The following ORC4 variants were observed in gnomAD, a reference collection of about 807,000 sequenced individuals.
ORC4 encodes the protein origin recognition complex, subunit 4 homolog.
In ORC4, 55 loss-of-function variants were observed where a neutral mutation model predicts 63.9. That is an observed-to-expected ratio of 0.86 (90% confidence interval 0.69 to 1.08). The LOEUF is 1.08. Ranked by LOEUF, ORC4 falls within the 50% of genes least tolerant of loss-of-function variation. The pLI is 0.00. For missense variants in ORC4, 511 were observed against 504.4 expected (o/e 1.01, Z -0.13); for synonymous variants, 150 against 168.5 (o/e 0.89, Z 0.85).
At chr2:147,968,536 G>A (rs2105338921) in intron 4 of ORC4, among the ~76,000 whole-genome samples, 1 of 152,108 alleles carries the variant, frequency 6.6e-6, no homozygotes, top group East Asian at 1.9e-4. Flanking sequence ...ATGAAGAAAT[G>A]CTTAACATCA....
At chr2:147,947,363 T>C (rs1030317) in intron 9 of ORC4, among the ~76,000 whole-genome samples, 49,983 of 151,676 alleles carry the variant, frequency 0.33, 8,490 homozygotes, top group East Asian at 0.52. Context: ...TACACACACA[T>C]ATGCATACTT....
At chr2:147,938,680 A>G (rs1688196391) in intron 11 of ORC4, 6 of 382,256 alleles carry the variant, frequency 1.6e-5, no homozygotes, top group Non-Finnish European at 2.9e-5. Context: ...GCCCACAGTA[A>G]ACAAAATAAA....
intron 8 of ORC4, among the ~76,000 whole-genome samples, chr2:147,949,045 CTA>C (rs1344549094): frequency 7.8e-6 from 1 of 127,492 alleles, no homozygotes; most frequent in South Asian, 2.4e-4. Context: ...ATATATACAT[CTA>C]TATATATACA....
chr2:147,999,217 T>C (rs957323503), intron 1 of ORC4, among the ~76,000 whole-genome samples: 20 of 152,180 alleles, frequency 1.3e-4, no homozygotes, highest in Non-Finnish European at 2.9e-5. Flanking sequence ...TCAGAGGCCA[T>C]GAGGCTTATT....
chr2:147,994,396 T>A (rs911481854), intron 1 of ORC4, among the ~76,000 whole-genome samples: 1 of 152,174 alleles, frequency 6.6e-6, no homozygotes, highest in Non-Finnish European at 1.5e-5. Context: ...ACCAACACGA[T>A]ACCGAAGGAG....
At chr2:148,016,776 G>A (rs185517637) in intron 1 of ORC4, among the ~76,000 whole-genome samples, 2 of 152,292 alleles carry the variant, frequency 1.3e-5, no homozygotes, top group Admixed American at 1.3e-4. Flanking sequence ...AGATATGTTA[G>A]AGCCTCGTTA....
At chr2:147,988,778 T>TA (rs1691383659) in intron 1 of ORC4, among the ~76,000 whole-genome samples, 2 of 101,930 alleles carry the variant, frequency 2.0e-5, no homozygotes, top group African/African-American at 7.2e-5. Context: ...GCTTAGTAAA[T>TA]AAAAAACAAA....
chr2:148,020,917 T>G (rs1002661633), upstream of ORC4: 1 of 152,272 alleles, frequency 6.6e-6, no homozygotes, highest in Non-Finnish European at 1.5e-5. Context: ...CCCCCGCTCC[T>G]GTACCTCCCG....
chr2:147,983,135 C>T (rs1690987972), intron 1 of ORC4, among the ~76,000 whole-genome samples: 1 of 152,160 alleles, frequency 6.6e-6, no homozygotes, highest in African/African-American at 2.4e-5. Flanking sequence ...AATGGCATGG[C>T]TACTCTGAAA....
intron 1 of ORC4, among the ~76,000 whole-genome samples, chr2:148,001,720 G>A (rs1039442584): frequency 1.3e-5 from 2 of 152,116 alleles, no homozygotes; most frequent in African/African-American, 4.8e-5. Context: ...AAAATAACCA[G>A]CTAGCATCAT....
chr2:147,963,653 T>C (rs944647259), intron 4 of ORC4, among the ~76,000 whole-genome samples: 1 of 152,104 alleles, frequency 6.6e-6, no homozygotes, highest in Non-Finnish European at 1.5e-5. Flanking sequence ...AGCAACCACA[T>C]GACTATGCTC....
intron 1 of ORC4, among the ~76,000 whole-genome samples, chr2:148,020,048 T>TC (rs1693600534): frequency 6.6e-6 from 1 of 152,004 alleles, no homozygotes; most frequent in African/African-American, 2.4e-5. Context: ...GACTACACAA[T>TC]CCCACATCCC....
rs1220764057 is a variant in ORC4 at position 148,000,614 on chromosome 2, GAAC to G, written c.-18+20016_-18+20018del. On this transcript the variant is annotated intron_variant, in intron 1 of 13. Coordinates refer to ENST00000392857, the MANE Select transcript of ORC4 (RefSeq NM_181741.4). ...ATTACATAGGATATAGGAAACAGAG[GAAC>G]TAGCATAGGATAGAGACTGCACCAG... Among the ~76,000 whole-genome samples, 3 of 152,046 alleles carry G rather than the reference GAAC, an allele frequency of 2.0e-5. No individual in the cohort carries two copies. The East Asian group carries it at 5.8e-4, about 29-fold the overall frequency.
intron 1 of ORC4, among the ~76,000 whole-genome samples, chr2:148,006,185 AGT>A (rs1484045616): frequency 6.6e-6 from 1 of 152,186 alleles, no homozygotes; most frequent in Non-Finnish European, 1.5e-5. Context: ...AGAGAGCGAA[AGT>A]AAGTATGGGA....
intron 4 of ORC4, among the ~76,000 whole-genome samples, chr2:147,966,410 G>C (rs1689895402): frequency 1.3e-5 from 2 of 151,490 alleles, no homozygotes; most frequent in Non-Finnish European, 1.5e-5. Flanking sequence ...TATCAGAGAA[G>C]GAATAAACAA....
chr2:148,003,884 T>C (rs1223801266), intron 1 of ORC4, among the ~76,000 whole-genome samples: 2 of 152,222 alleles, frequency 1.3e-5, no homozygotes, highest in African/African-American at 4.8e-5. Flanking sequence ...CAAAATCTCC[T>C]TGAGCTGATA....
At chr2:148,004,437 A>G (rs1692500515) in intron 1 of ORC4, among the ~76,000 whole-genome samples, 1 of 152,174 alleles carries the variant, frequency 6.6e-6, no homozygotes, top group Non-Finnish European at 1.5e-5. Flanking sequence ...GGAACAGAAC[A>G]GAGTCCTCAG....
chr2:147,985,683 C>T (rs1394616893), intron 1 of ORC4, among the ~76,000 whole-genome samples: 1 of 152,172 alleles, frequency 6.6e-6, no homozygotes, highest in Non-Finnish European at 1.5e-5. Context: ...GTTCTAATCA[C>T]TGTTTTTTAG....
Position 147,955,440 on chromosome 2 carries a change from A to G in ORC4, c.388-45T>C, listed in dbSNP as rs528568863. On this transcript the variant is annotated intron_variant, in intron 6 of 13. Transcript: ENST00000392857. ...AAAATGATTAAAAGTTTAGTGAAAT[A>G]AAGAACAAAAGATGGCTGTCTGATT... 9.7e-6 allele frequency: 13 copies of G among 1,344,110 alleles called. No individual in the cohort carries two copies. In the South Asian group the frequency reaches 1.3e-4, roughly 14 times the overall value. 83.3% of individuals were successfully genotyped at this position (1,344,110 alleles called of 1,614,324 possible).
Sources: gnomAD v4.1 joint callset for allele counts (sites outside exome capture counted in the v4.1 genomes callset) on GRCh38, gnomAD v4.1.1 for gene constraint, MANE v1.5 for transcripts, NCBI Gene and HGNC (gene_info 2026-07-23, HGNC 2026-07-21) for gene names.